Variants in PDZD2 observed in about 807,000 individuals in gnomAD.
The protein encoded by PDZD2 is PDZ domain containing 2.
A neutral mutation model predicts 220.7 loss-of-function variants in PDZD2; 90 were observed. The observed-to-expected ratio is 0.41, with a 90% CI of 0.34 to 0.49. PDZD2 has a LOEUF of 0.49. Among genes scored for constraint, PDZD2 ranks in the 20% least tolerant of loss-of-function variants. The pLI is 0.28. For missense variants in PDZD2, 3,174 were observed against 3,608.5 expected (o/e 0.88, Z 3.08); for synonymous variants, 1,375 against 1,450.5 (o/e 0.95, Z 1.18).
chr5:31,875,595 A>AT (rs201533314), intron 2 of PDZD2, among the ~76,000 whole-genome samples: 12,397 of 144,920 alleles, frequency 0.086, 662 homozygotes, highest in African/African-American at 0.15. Flanking sequence ...AAAAAAAAAA[A>AT]AAATATATAT....
At chr5:32,003,040 A>T (rs1752390341) in intron 5 of PDZD2, among the ~76,000 whole-genome samples, 1 of 133,554 alleles carries the variant, frequency 7.5e-6, no homozygotes, top group African/African-American at 3.0e-5. Context: ...CATACCATAC[A>T]CACACTACAC....
rs187740479 is a variant in PDZD2 at position 31,684,863 on chromosome 5, T to G, written c.-361+45426T>G. ...ATGCTAGTTTTTAGGTCTCAACTCATGTCACCCCCGTTGCCCTTTATCTCA... is the reference window on the plus strand; with the variant it reads ...ATGCTAGTTTTTAGGTCTCAACTCAGGTCACCCCCGTTGCCCTTTATCTCA... On this transcript the variant is annotated intron_variant, in intron 1 of 24. Transcript: ENST00000438447. Among the ~76,000 whole-genome samples, 113 of 152,328 alleles carry G rather than the reference T, an allele frequency of 7.4e-4. 1 individual carries two copies. Among genetic ancestry groups the G allele is most frequent in the Admixed American group, 6.6e-3 (101 of 15,290 alleles).
At chr5:31,875,598 AT>A (rs199877236) in intron 2 of PDZD2, among the ~76,000 whole-genome samples, 28 of 134,748 alleles carry the variant, frequency 2.1e-4, no homozygotes, top group African/African-American at 3.0e-4. Context: ...AAAAAAAAAA[AT>A]ATATATATAT....
chr5:32,041,621 G>C (rs1011005742), intron 7 of PDZD2, among the ~76,000 whole-genome samples: 4 of 152,036 alleles, frequency 2.6e-5, no homozygotes, highest in African/African-American at 9.7e-5. Flanking sequence ...GTGCTTTGTT[G>C]TTAAACAAAT....
chr5:31,687,835 A>G (rs192734639), intron 1 of PDZD2, among the ~76,000 whole-genome samples: 104 of 152,200 alleles, frequency 6.8e-4, no homozygotes, highest in African/African-American at 1.7e-3. Context: ...CACTAGTTCT[A>G]TTGGATCAGG....
chr5:32,104,716 TAAAAAAAA>T (rs755177769), intron 24 of PDZD2, among the ~76,000 whole-genome samples: 581 of 30,074 alleles, frequency 0.019, 4 homozygotes, highest in African/African-American at 0.04. Flanking sequence ...AGGCTCCATC[TAAAAAAAA>T]AAAAAAAAAA....
intron 1 of PDZD2, among the ~76,000 whole-genome samples, chr5:31,702,333 G>A (rs1259105042): frequency 6.6e-6 from 1 of 152,186 alleles, no homozygotes; most frequent in African/African-American, 2.4e-5. Flanking sequence ...AACTACTATA[G>A]CTGTTAAGCG....
intron 2 of PDZD2, among the ~76,000 whole-genome samples, chr5:31,883,023 C>CAAAAAAAAAAAAAAAA (rs781370177): frequency 6.3e-5 from 3 of 47,960 alleles, no homozygotes; most frequent in African/African-American, 2.3e-4. Flanking sequence ...GACTCTGTCT[C>CAAAAAAAAAAAAAAAA]AAAAAAAAAA....
chr5:31,782,326 T>C (rs770387255), intron 1 of PDZD2, among the ~76,000 whole-genome samples: 1 of 152,234 alleles, frequency 6.6e-6, no homozygotes, highest in African/African-American at 2.4e-5. Context: ...AGCATACTTA[T>C]ATTAAAACAT....
At chr5:31,869,184 G>C (rs1164448527) in intron 2 of PDZD2, among the ~76,000 whole-genome samples, 1 of 152,140 alleles carries the variant, frequency 6.6e-6, no homozygotes, top group Non-Finnish European at 1.5e-5. Context: ...CTTCCTTCAG[G>C]ACAAATCCAT....
chr5:31,695,683 C>T (rs1459590991), intron 1 of PDZD2, among the ~76,000 whole-genome samples: 5 of 152,166 alleles, frequency 3.3e-5, no homozygotes, highest in East Asian at 1.9e-4. Flanking sequence ...ATTTACAGGG[C>T]GTCCTTCCGC....
At chr5:32,051,400 A>G (rs1021224784) in intron 8 of PDZD2, among the ~76,000 whole-genome samples, 14 of 152,242 alleles carry the variant, frequency 9.2e-5, no homozygotes, top group African/African-American at 3.4e-4. Context: ...CCAAAAATAC[A>G]AAAATATCAC....
At chr5:31,670,104 G>A (rs953278510) in intron 1 of PDZD2, among the ~76,000 whole-genome samples, 1 of 152,136 alleles carries the variant, frequency 6.6e-6, no homozygotes, top group Non-Finnish European at 1.5e-5. Flanking sequence ...TAACTGCTAA[G>A]CTCACCCCTT....
chr5:32,045,540 C>T (rs1282842642), intron 7 of PDZD2, among the ~76,000 whole-genome samples: 2 of 151,616 alleles, frequency 1.3e-5, no homozygotes, highest in African/African-American at 2.4e-5. Flanking sequence ...CATGCCTCAG[C>T]CTCCCGTGTA....
intron 2 of PDZD2, among the ~76,000 whole-genome samples, chr5:31,957,440 C>T (rs951600757): frequency 2.6e-5 from 4 of 152,156 alleles, no homozygotes; most frequent in East Asian, 1.9e-4. Context: ...CATACATGAA[C>T]GAGTCAACTT....
rs376355551 is a variant in PDZD2, at chr5:31,727,389, A to G, written c.-360-71500A>G. ...TCCCACTGCAAATATACCAGCCTGCATATAATGAAGCTGGGCTCTTGCTAT... is the reference window on the plus strand; with the variant it reads ...TCCCACTGCAAATATACCAGCCTGCGTATAATGAAGCTGGGCTCTTGCTAT... On this transcript the variant is annotated intron_variant, in intron 1 of 24. Coordinates refer to ENST00000438447, the MANE Select transcript of PDZD2 (RefSeq NM_178140.4). 4.6e-5 allele frequency among the ~76,000 whole-genome samples: 7 copies of G among 152,310 alleles called. No homozygotes were observed. The East Asian group carries it at 1.2e-3, about 25-fold the overall frequency.
At chr5:31,746,892 T>C (rs147707797) in intron 1 of PDZD2, among the ~76,000 whole-genome samples, 396 of 152,328 alleles carry the variant, frequency 2.6e-3, no homozygotes, top group African/African-American at 8.9e-3. Context: ...TTGTAGGTCA[T>C]GCGCTGGGCG....
chr5:31,698,420 C>T (rs1207996021), intron 1 of PDZD2, among the ~76,000 whole-genome samples: 1 of 136,330 alleles, frequency 7.3e-6, no homozygotes, highest in African/African-American at 2.9e-5. Flanking sequence ...ACGGTGAAAC[C>T]CCATCTCTAC....
intron 6 of PDZD2, among the ~76,000 whole-genome samples, chr5:32,024,004 A>G (rs1327451211): frequency 1.4e-4 from 21 of 152,240 alleles, no homozygotes; most frequent in Admixed American, 1.3e-3. Context: ...CCTGCCCGTT[A>G]GTCACTACGT....
Sources: allele counts gnomAD v4.1 joint callset (sites outside exome capture counted in the v4.1 genomes callset), GRCh38; gene constraint gnomAD v4.1.1; transcripts MANE v1.5; gene names NCBI Gene and HGNC (gene_info 2026-07-23, HGNC 2026-07-21).